Variants in ABCB1 observed in about 807,000 individuals in gnomAD.
ABCB1 encodes ATP-dependent translocase ABCB1.
ABCB1 carries 69 observed loss-of-function variants against 142.0 expected under a neutral mutation model. The observed-to-expected ratio is 0.49, with a 90% CI of 0.40 to 0.59. The LOEUF (loss-of-function observed/expected upper bound fraction) is 0.59. ABCB1 is among the 20% of genes least tolerant of loss of function. The pLI, the probability that ABCB1 is intolerant of heterozygous loss-of-function variation, is 0.00. For missense variants in ABCB1, 1,326 were observed against 1,554.7 expected (o/e 0.85, Z 2.47); for synonymous variants, 532 against 539.2 (o/e 0.99, Z 0.18).
intron 1 of ABCB1, among the ~76,000 whole-genome samples, chr7:87,653,606 A>G (rs1036815505): frequency 3.9e-5 from 6 of 152,108 alleles, no homozygotes; most frequent in South Asian, 4.1e-4. Flanking sequence ...GAAAATTCTT[A>G]TGTATATGAA....
intron 1 of ABCB1, chr7:87,628,591 GTGTGT>G: frequency 1.4e-5 from 1 of 70,994 alleles, no homozygotes. Context: ...GTGCGTGTGT[GTGTGT>G]GTGTGTGTGT....
chr7:87,608,039 AC>A (rs1382663822), intron 1 of ABCB1, among the ~76,000 whole-genome samples: 1 of 152,178 alleles, frequency 6.6e-6, no homozygotes, highest in Non-Finnish European at 1.5e-5. Flanking sequence ...AATAGTTGGA[AC>A]TTTTTTGTTG....
chr7:87,606,273 G>T (rs918961987), intron 1 of ABCB1, among the ~76,000 whole-genome samples: 1 of 151,994 alleles, frequency 6.6e-6, no homozygotes, highest in African/African-American at 2.4e-5. Flanking sequence ...CAACAGCAAA[G>T]ATATTTTGAA....
intron 21 of ABCB1, among the ~76,000 whole-genome samples, chr7:87,526,983 GT>G (rs1736574731): frequency 6.6e-6 from 1 of 151,528 alleles, no homozygotes; most frequent in East Asian, 1.9e-4. Context: ...AAAGTCCTTT[GT>G]GGCATTTTTT....
chr7:87,582,403 C>G (rs1369981584), intron 4 of ABCB1, among the ~76,000 whole-genome samples: 1 of 152,156 alleles, frequency 6.6e-6, no homozygotes, highest in Non-Finnish European at 1.5e-5. Context: ...TATCACTAAT[C>G]AAATTCGACT....
At position 87,522,129 on chromosome 7, in the gene ABCB1, T is replaced by C. The variant is rs1815539233; in HGVS notation, c.2686-1253A>G. ...ACTTTGGTCGTGGAGGAAACTTCAG[T>C]GGTCATTGTGGCTTTGGTGGCAGCT... On this transcript the variant is annotated intron_variant, in intron 21 of 27. Transcript: ENST00000622132. 8.1e-6 allele frequency: 11 copies of C among 1,364,080 alleles called. No individual in the cohort carries two copies. The South Asian group carries it at 1.0e-4, about 13-fold the overall frequency. The allele number at this position is 1,364,080 out of a possible 1,614,324, so 84.5% of individuals were successfully genotyped here.
intron 1 of ABCB1, among the ~76,000 whole-genome samples, chr7:87,607,146 T>C (rs1819683689): frequency 6.6e-6 from 1 of 152,202 alleles, no homozygotes; most frequent in African/African-American, 2.4e-5. Context: ...ATTCTAGCTT[T>C]GGTCATCAAC....
intron 27 of ABCB1, among the ~76,000 whole-genome samples, chr7:87,505,067 G>A (rs528758775): frequency 7.9e-5 from 12 of 152,084 alleles, no homozygotes; most frequent in African/African-American, 2.2e-4. Context: ...GGGCTCAAGC[G>A]ATTCTTCCAC....
At chr7:87,542,747 CT>C (rs1816597420) in intron 17 of ABCB1, among the ~76,000 whole-genome samples, 1 of 151,896 alleles carries the variant, frequency 6.6e-6, no homozygotes, top group Non-Finnish European at 1.5e-5. Flanking sequence ...AATCAGCAAA[CT>C]ATGGGCCACT....
chr7:87,675,808 A>G (rs1328694022), intron 1 of ABCB1, among the ~76,000 whole-genome samples: 2 of 152,100 alleles, frequency 1.3e-5, no homozygotes, highest in African/African-American at 2.4e-5. Flanking sequence ...AAAATTACTA[A>G]AAGAAAATAT....
At chr7:87,544,507 C>T (rs1315739243) in intron 16 of ABCB1, among the ~76,000 whole-genome samples, 2 of 152,070 alleles carry the variant, frequency 1.3e-5, no homozygotes, top group African/African-American at 4.8e-5. Flanking sequence ...AATGATGTTT[C>T]CACAAACACT....
chr7:87,563,812 C>A (rs1054443929), intron 7 of ABCB1, among the ~76,000 whole-genome samples: 4 of 152,200 alleles, frequency 2.6e-5, no homozygotes, highest in Non-Finnish European at 4.4e-5. Flanking sequence ...GGTACATAGA[C>A]ACCATGGAAT....
At chr7:87,710,262 A>G (rs1829951088) in intron 1 of ABCB1, among the ~76,000 whole-genome samples, 2 of 152,292 alleles carry the variant, frequency 1.3e-5, no homozygotes, top group Non-Finnish European at 2.9e-5. Flanking sequence ...AGAGAGTTAT[A>G]TCTTATATAA....
chr7:87,576,269 A>G (rs1818271671), intron 4 of ABCB1, among the ~76,000 whole-genome samples: 1 of 151,680 alleles, frequency 6.6e-6, no homozygotes, highest in Admixed American at 6.6e-5. Context: ...ATATATTATT[A>G]TGGTCTTAGA....
At chr7:87,546,384 C>A (rs555760096) in intron 14 of ABCB1, among the ~76,000 whole-genome samples, 1 of 151,960 alleles carries the variant, frequency 6.6e-6, no homozygotes, top group East Asian at 1.9e-4. Flanking sequence ...GTCAGGAGAT[C>A]AAGACCATCC....
chr7:87,536,309 A>G (rs1220252720), intron 20 of ABCB1, 149 bp downstream of exon 20: 3 of 743,820 alleles, frequency 4.0e-6, no homozygotes, highest in Admixed American at 2.1e-5. Flanking sequence ...ACATGTTGCT[A>G]CAAAAAGCAT....
At chr7:87,700,328 A>G (rs1053876686) in intron 1 of ABCB1, 1 of 1,099,662 alleles carries the variant, frequency 9.1e-7, no homozygotes, top group Non-Finnish European at 1.3e-6. Flanking sequence ...TCACTATATT[A>G]CCTTTATTTT....
At chr7:87,547,309 G>GA (rs1816825354) in intron 14 of ABCB1, among the ~76,000 whole-genome samples, 1 of 151,790 alleles carries the variant, frequency 6.6e-6, no homozygotes, top group South Asian at 2.1e-4. Context: ...ATCTTTTTAA[G>GA]AAAAAAGGGG....
chr7:87,675,490 AAAAC>A (rs1175420425), intron 1 of ABCB1, among the ~76,000 whole-genome samples: 4 of 152,110 alleles, frequency 2.6e-5, no homozygotes, highest in African/African-American at 9.7e-5. Flanking sequence ...GCTTGGTACT[AAAAC>A]AAAAACAGAT....
Sources: allele counts gnomAD v4.1 joint callset (sites outside exome capture counted in the v4.1 genomes callset), GRCh38; gene constraint gnomAD v4.1.1; transcripts MANE v1.5; gene names NCBI Gene and HGNC (gene_info 2026-07-23, HGNC 2026-07-21).